HCN1: variants seen among roughly 807,000 people sequenced by gnomAD.
HCN1 encodes hyperpolarization activated cyclic nucleotide gated potassium channel 1.
Under a neutral mutation model 78.9 loss-of-function variants are expected in HCN1, and 13 were observed. The ratio of observed to expected loss-of-function variants is 0.16; its 90% CI spans 0.11 to 0.26. HCN1 has a LOEUF of 0.26. Ranked by LOEUF, HCN1 falls within the 10% of genes least tolerant of loss-of-function variation. HCN1 has a pLI of 1.00. For synonymous variants in HCN1, 552 were observed against 455.5 expected, an observed-to-expected ratio of 1.21 and a Z score of -2.70; for missense variants, 810 against 1,154.3, an observed-to-expected ratio of 0.70 and a Z score of 4.32.
Position 45,353,207 on chromosome 5 carries a change from G to T in HCN1, c.1270C>A (p.Pro424Thr), listed in dbSNP as rs1199035368. ...TGTATCTTCTGACGCATATCAGCTG[G>T]TAACTTATGGAATGACATGTATTGT... ...VEQYMSFHKL[P>T]ADMRQKIHDY... Residue 424 changes from proline to threonine, a missense_variant, in exon 5 of 8, where the codon CCA becomes ACA. This residue lies in a region of HCN1 where 104 missense variants were observed against 402.8 expected (regional missense o/e 0.26). Transcript: ENST00000303230. The T allele has an allele frequency of 4.4e-6, 7 of 1,608,990 alleles. No individual in the cohort carries two copies. Among genetic ancestry groups the T allele is most frequent in the Non-Finnish European group, 6.0e-6 (7 of 1,175,994 alleles).
At chr5:45,360,773 GA>G (rs1304386920) in intron 4 of HCN1, among the ~76,000 whole-genome samples, 2 of 151,928 alleles carry the variant, frequency 1.3e-5, no homozygotes, top group Non-Finnish European at 2.9e-5. Context: ...AAATGAATGG[GA>G]AAAAACTAAA....
rs73104917 is a variant in HCN1 at position 45,688,186 on chromosome 5, T to C, written c.425+7483A>G. 8.6e-3 allele frequency among the ~76,000 whole-genome samples: 1,311 copies of C among 152,250 alleles called. 26 individuals carry two copies. Among genetic ancestry groups the C allele is most frequent in the African/African-American group, 0.031 (1,284 of 41,576 alleles). On this transcript the variant is annotated intron_variant, in intron 1 of 7. Transcript: ENST00000303230. ...TGTGCTTTTTCATATTATTTTGGAGTGACTTCAAGAGGGAGGAAGTATAAA... is the reference window on the plus strand; with the variant it reads ...TGTGCTTTTTCATATTATTTTGGAGCGACTTCAAGAGGGAGGAAGTATAAA...
chr5:45,402,015 A>G (rs922525356), intron 3 of HCN1, among the ~76,000 whole-genome samples: 3 of 152,138 alleles, frequency 2.0e-5, no homozygotes, highest in African/African-American at 4.8e-5. Context: ...CTAAAACACG[A>G]AGTTTGATGG....
chr5:45,594,169 G>T (rs1017978511), intron 2 of HCN1, among the ~76,000 whole-genome samples: 14 of 152,086 alleles, frequency 9.2e-5, no homozygotes, highest in African/African-American at 3.4e-4. Context: ...TCAGGGCTCA[G>T]AGGGAAAAAA....
At chr5:45,452,675 C>T (rs1370946852) in intron 3 of HCN1, among the ~76,000 whole-genome samples, 5 of 151,748 alleles carry the variant, frequency 3.3e-5, no homozygotes, top group Admixed American at 2.0e-4. Context: ...GCCAATTAGT[C>T]TATTCTATAT....
chr5:45,593,644 C>CATTATTATTATTATTATT, intron 2 of HCN1, among the ~76,000 whole-genome samples: 2 of 146,980 alleles, frequency 1.4e-5, no homozygotes, highest in East Asian at 4.0e-4. Context: ...TAGCTATTTT[C>CATTATTATTATTATTATT]ATTATTATTA....
chr5:45,504,118 T>C (rs1400966172), intron 2 of HCN1, among the ~76,000 whole-genome samples: 1 of 152,130 alleles, frequency 6.6e-6, no homozygotes, highest in East Asian at 1.9e-4. Context: ...CTTATTATTA[T>C]ACATTAAGTT....
chr5:45,404,181 T>C (rs2112048421), intron 3 of HCN1, among the ~76,000 whole-genome samples: 1 of 152,316 alleles, frequency 6.6e-6, no homozygotes, highest in East Asian at 1.9e-4. Context: ...TTTCTTGTGT[T>C]ACATGGCTAT....
rs1744740998 is a variant in HCN1, at chr5:45,261,866, G to A, written c.*55C>T. On this transcript the variant is annotated 3_prime_UTR_variant, in exon 8 of 8. Coordinates refer to ENST00000303230, the MANE Select transcript of HCN1 (RefSeq NM_021072.4). ...CAGGAGATAGAATAAAATAAGATCT[G>A]AGTATAGTCTCAGTTTATGAGAGTA... 1 of 1,602,268 alleles carries A rather than the reference G, an allele frequency of 6.2e-7. No individual in the cohort carries two copies. Among genetic ancestry groups the A allele is most frequent in the East Asian group, 2.2e-5 (1 of 44,826 alleles).
chr5:45,365,173 C>T (rs187984164), intron 4 of HCN1, among the ~76,000 whole-genome samples: 3 of 151,620 alleles, frequency 2.0e-5, no homozygotes, highest in African/African-American at 7.3e-5. Context: ...ATCATTTAAA[C>T]TCTTTTACAT....
chr5:45,491,851 A>G (rs1741891666), intron 2 of HCN1, among the ~76,000 whole-genome samples: 1 of 152,166 alleles, frequency 6.6e-6, no homozygotes, highest in Non-Finnish European at 1.5e-5. Flanking sequence ...GGTGAAAGCT[A>G]GGCTGGGGTT....
chr5:45,541,355 CAT>C (rs1484633337), intron 2 of HCN1, among the ~76,000 whole-genome samples: 1 of 152,152 alleles, frequency 6.6e-6, no homozygotes, highest in African/African-American at 2.4e-5. Context: ...CCATGCGCTG[CAT>C]AGTGTTACCC....
chr5:45,371,917 A>G (rs1158852644), intron 4 of HCN1, among the ~76,000 whole-genome samples: 2 of 109,268 alleles, frequency 1.8e-5, no homozygotes, highest in South Asian at 2.5e-4. Flanking sequence ...TAAAAAATAT[A>G]TAATATACAT....
At chr5:45,506,106 A>G (rs1184731667) in intron 2 of HCN1, among the ~76,000 whole-genome samples, 2 of 152,212 alleles carry the variant, frequency 1.3e-5, no homozygotes, top group Non-Finnish European at 2.9e-5. Flanking sequence ...GATAACTGTA[A>G]TTCACAATAA....
intron 2 of HCN1, among the ~76,000 whole-genome samples, chr5:45,528,034 T>A (rs571144881): frequency 6.6e-6 from 1 of 151,946 alleles, no homozygotes; most frequent in Non-Finnish European, 1.5e-5. Context: ...TCCATTTATT[T>A]ATTTACCAAT....
intron 2 of HCN1, among the ~76,000 whole-genome samples, chr5:45,588,904 T>C (rs938890117): frequency 6.6e-6 from 1 of 152,240 alleles, no homozygotes; most frequent in Non-Finnish European, 1.5e-5. Context: ...AGTTTGGTTA[T>C]AACAGTTAGA....
intron 2 of HCN1, among the ~76,000 whole-genome samples, chr5:45,624,772 G>A (rs1336047993): frequency 6.6e-6 from 1 of 151,830 alleles, no homozygotes; most frequent in Non-Finnish European, 1.5e-5. Flanking sequence ...TAGTAGCCTG[G>A]GCCCTCTTGT....
rs905238633 is a variant in HCN1, at chr5:45,558,126, G to T, written c.849+87059C>A. ...CAAAAACTCTATTCCAGTGAACACA[G>T]AATTAATTTAAAAAAAAAAAAGAGA... is the stretch of plus-strand genomic sequence containing the variant. On this transcript the variant is annotated intron_variant, in intron 2 of 7. Transcript: ENST00000303230. The T allele has an allele frequency of 3.1e-5, 3 of 95,480 alleles. No homozygotes were observed. In the East Asian group the frequency reaches 9.0e-4, roughly 29 times the overall value. 5.9% of individuals were successfully genotyped at this position (95,480 alleles called of 1,614,324 possible).
Position 45,653,392 on chromosome 5 carries a change from AT to A in HCN1, c.426-7785del, listed in dbSNP as rs577928766. ...ACTGAACAGTGAATACTCTGCCATAATATGATGTCAACAATAATTTGATAAA... is the reference window on the plus strand; with the variant it reads ...ACTGAACAGTGAATACTCTGCCATAAATGATGTCAACAATAATTTGATAAA... On this transcript the variant is annotated intron_variant, in intron 1 of 7. Coordinates refer to ENST00000303230, the MANE Select transcript of HCN1 (RefSeq NM_021072.4). 1.8e-3 allele frequency among the ~76,000 whole-genome samples: 276 copies of A among 152,188 alleles called. 1 individual carries two copies. The highest frequency in any genetic ancestry group is 2.6e-3 in the Admixed American group (39 of 15,254).
Sources: allele counts gnomAD v4.1 joint callset (sites outside exome capture counted in the v4.1 genomes callset), GRCh38; gene constraint gnomAD v4.1.1; regional missense constraint gnomAD v4.1.1; transcripts MANE v1.5; gene names NCBI Gene and HGNC (gene_info 2026-07-23, HGNC 2026-07-21).